Variants in SYNE2 observed in about 807,000 individuals in gnomAD.
SYNE2 encodes nesprin-2.
In SYNE2, 431 loss-of-function variants were observed where a neutral mutation model predicts 856.3. The observed-to-expected ratio is 0.50, with a 90% CI of 0.47 to 0.55. SYNE2 has a LOEUF of 0.55. SYNE2 is among the 20% of genes least tolerant of loss of function. The pLI, the probability that SYNE2 is intolerant of heterozygous loss-of-function variation, is 0.00. For synonymous variants in SYNE2, 2,923 were observed against 2,872.3 expected, an observed-to-expected ratio of 1.02 and a Z score of -0.56; for missense variants, 8,129 against 8,023.2, an observed-to-expected ratio of 1.01 and a Z score of -0.50.
chr14:63,948,748 G>GTA (rs1159234815), intron 6 of SYNE2, among the ~76,000 whole-genome samples: 1 of 121,602 alleles, frequency 8.2e-6, no homozygotes, highest in African/African-American at 3.1e-5. Context: ...AGATATGTGT[G>GTA]TGTATATATA....
At chr14:64,006,699 G>A (rs749284061) in intron 30 of SYNE2, among the ~76,000 whole-genome samples, 6 of 151,982 alleles carry the variant, frequency 3.9e-5, no homozygotes, top group Non-Finnish European at 7.4e-5. Context: ...GTGGTGGTTC[G>A]CACGTGTGGT....
intron 11 of SYNE2, among the ~76,000 whole-genome samples, chr14:63,972,153 A>C (rs1034910629): frequency 1.3e-5 from 2 of 152,194 alleles, no homozygotes; most frequent in Non-Finnish European, 2.9e-5. Context: ...TGCTTATTGC[A>C]TTGTCAGTTT....
chr14:63,827,350 C>T (rs1352851736), intron 1 of SYNE2, among the ~76,000 whole-genome samples: 5 of 150,628 alleles, frequency 3.3e-5, no homozygotes, highest in East Asian at 1.9e-4. Context: ...GCAGGCCGGG[C>T]GCGGTGGCTC....
intron 2 of SYNE2, among the ~76,000 whole-genome samples, chr14:63,922,761 C>T (rs766694831): frequency 7.2e-5 from 11 of 152,074 alleles, no homozygotes; most frequent in African/African-American, 2.4e-4. Flanking sequence ...GTAAATTGTC[C>T]GATCTATTTA....
chr14:63,829,316 C>T (rs1480248141), intron 1 of SYNE2, among the ~76,000 whole-genome samples: 1 of 151,982 alleles, frequency 6.6e-6, no homozygotes, highest in East Asian at 1.9e-4. Context: ...ACTCGGGAGG[C>T]TGAGGCGAGA....
intron 6 of SYNE2, among the ~76,000 whole-genome samples, chr14:63,946,032 C>T (rs1198713018): frequency 6.6e-6 from 1 of 152,156 alleles, no homozygotes; most frequent in African/African-American, 2.4e-5. Context: ...TTTATACTCA[C>T]CAGAGTTTCT....
At chr14:63,883,292 C>T (rs974219599) in intron 1 of SYNE2, among the ~76,000 whole-genome samples, 12 of 152,028 alleles carry the variant, frequency 7.9e-5, no homozygotes, top group African/African-American at 2.9e-4. Context: ...CTCCTGATGT[C>T]AAGTGATCCA....
intron 10 of SYNE2, among the ~76,000 whole-genome samples, chr14:63,967,099 C>T (rs774971086): frequency 2.0e-5 from 3 of 151,942 alleles, no homozygotes; most frequent in African/African-American, 4.8e-5. Flanking sequence ...CTCTTGACCT[C>T]GTGATCCACC....
intron 111 of SYNE2, 75 bp downstream of exon 111, chr14:64,220,712 C>A: frequency 6.6e-7 from 1 of 1,525,358 alleles, no homozygotes; most frequent in Non-Finnish European, 9.0e-7. Flanking sequence ...ATATTTTTAT[C>A]ATCATCAGGC....
chr14:63,970,639 CTTTTCTT>C (rs1383351118), intron 11 of SYNE2, among the ~76,000 whole-genome samples: 133 of 134,288 alleles, frequency 9.9e-4, no homozygotes, highest in African/African-American at 2.1e-3. Flanking sequence ...TGTCTTTTTT[CTTTTCTT>C]TTTTCTTTTT....
intron 34 of SYNE2, 142 bp from the exon 35 acceptor site, chr14:64,019,850 T>C: frequency 1.5e-6 from 1 of 665,516 alleles, no homozygotes; most frequent in South Asian, 1.9e-5. Flanking sequence ...ATTTGTAACT[T>C]CTAGGACTCT....
chr14:64,099,957 T>G (rs1176042668), intron 63 of SYNE2: 1 of 152,096 alleles, frequency 6.6e-6, no homozygotes, highest in Non-Finnish European at 1.5e-5. Context: ...AAATACCATT[T>G]GACCCAGCCA....
At chr14:63,832,403 A>G (rs1889704919) in intron 1 of SYNE2, among the ~76,000 whole-genome samples, 1 of 151,902 alleles carries the variant, frequency 6.6e-6, no homozygotes, top group Admixed American at 6.5e-5. Flanking sequence ...GGCCTCCCAA[A>G]GTGCTGGGAT....
chr14:63,880,671 A>AT lies in SYNE2; in HGVS notation c.-52+27547dup, dbSNP rs35718279. Among the ~76,000 whole-genome samples, 1,049 of 130,078 alleles carry AT rather than the reference A, an allele frequency of 8.1e-3. 16 individuals are homozygous for AT. Among genetic ancestry groups the AT allele is most frequent in the African/African-American group, 0.017 (612 of 35,074 alleles). 85.3% of individuals were successfully genotyped at this position (130,078 alleles called of 152,430 possible). The stretch of plus-strand genomic sequence containing the variant: ...TATTTAATATTTTCTATTGTCTTTA[A>AT]TTTTTTTTTTTTTTTTTTTAAGACA... On this transcript the variant is annotated intron_variant, in intron 1 of 115. Coordinates refer to ENST00000555002, the MANE Select transcript of SYNE2 (RefSeq NM_182914.3).
At chr14:63,912,544 C>T (rs933031612) in intron 2 of SYNE2, among the ~76,000 whole-genome samples, 8 of 152,132 alleles carry the variant, frequency 5.3e-5, no homozygotes, top group Non-Finnish European at 7.4e-5. Context: ...GATCCCTGCT[C>T]ATAAGAAAGT....
intron 79 of SYNE2, among the ~76,000 whole-genome samples, chr14:64,139,419 T>G (rs999288119): frequency 2.6e-5 from 4 of 151,474 alleles, no homozygotes; most frequent in African/African-American, 9.7e-5. Flanking sequence ...TTATTATTTT[T>G]TTTTTTATTT....
At chr14:64,120,343 G>C (rs2097888810) in intron 67 of SYNE2, among the ~76,000 whole-genome samples, 2 of 152,060 alleles carry the variant, frequency 1.3e-5, no homozygotes, top group African/African-American at 4.8e-5. Flanking sequence ...TTTGGTATTT[G>C]TTTTTAAGAA....
intron 52 of SYNE2, 50 bp downstream of exon 52, chr14:64,070,960 C>G: frequency 6.3e-7 from 1 of 1,598,272 alleles, no homozygotes; most frequent in Non-Finnish European, 8.6e-7. Flanking sequence ...AATTATGGCT[C>G]AAAATTTAGA....
chr14:64,092,235 T>C (rs544784723), intron 60 of SYNE2, among the ~76,000 whole-genome samples: 4 of 152,290 alleles, frequency 2.6e-5, no homozygotes, highest in African/African-American at 9.6e-5. Flanking sequence ...ATGGGTGAAA[T>C]AGAAGAGGCA....
Sources: allele counts gnomAD v4.1 joint callset (sites outside exome capture counted in the v4.1 genomes callset), GRCh38; gene constraint gnomAD v4.1.1; transcripts MANE v1.5; gene names NCBI Gene and HGNC (gene_info 2026-07-23, HGNC 2026-07-21).